Variants in STON2 observed in about 807,000 individuals in gnomAD.
STON2 encodes stonin 2.
STON2 carries 29 observed loss-of-function variants against 65.7 expected under a neutral mutation model. That is an observed-to-expected ratio of 0.44 (90% CI 0.33 to 0.60). The LOEUF is 0.60. Among genes scored for constraint, STON2 ranks in the 20% least tolerant of loss-of-function variants. STON2 has a pLI of 0.03. For missense variants in STON2, 1,054 were observed against 1,118.1 expected (o/e 0.94, Z 0.82); for synonymous variants, 404 against 414.2 (o/e 0.98, Z 0.30).
intron 1 of STON2, among the ~76,000 whole-genome samples, chr14:81,433,965 C>T (rs1902312725): frequency 6.6e-6 from 1 of 152,166 alleles, no homozygotes; most frequent in African/African-American, 2.4e-5. Context: ...TGTTTCCAAT[C>T]CCACCTCACC....
At position 81,264,932 on chromosome 14, in the gene STON2, A is replaced by T. The variant is rs1019919015; in HGVS notation, c.*3482T>A. The T allele has an allele frequency of 1.0e-6, 1 of 985,306 alleles. No homozygotes were observed. The highest frequency in any genetic ancestry group is 1.7e-5 in the African/African-American group (1 of 57,244). The allele number at this position is 985,306 out of a possible 1,614,324, so 61.0% of individuals were successfully genotyped here. ...CTTATCTTTTTGCTGTAAAGTCAAA[A>T]AGCAGGCCCTAGACTCAAAAGAAAG... On this transcript the variant is annotated 3_prime_UTR_variant, in exon 8 of 8. Transcript: ENST00000614646.
At position 81,264,077 on chromosome 14, in the gene STON2, G is replaced by T. The variant is rs1894265736; in HGVS notation, c.*4337C>A. Reference sequence around the variant, plus strand: ...ATGCTTTCTTTTCCTACTGACCATTGAAATGGGCAAGGCTCAGGCTCATGG... The same window carrying T: ...ATGCTTTCTTTTCCTACTGACCATTTAAATGGGCAAGGCTCAGGCTCATGG... On this transcript the variant is annotated 3_prime_UTR_variant, in exon 8 of 8. Transcript: ENST00000614646. The T allele has an allele frequency of 1.2e-5, 12 of 985,428 alleles. No homozygotes were observed. The highest frequency in any genetic ancestry group is 1.4e-5 in the Non-Finnish European group (12 of 829,938). The allele number at this position is 985,428 out of a possible 1,614,324, so 61.0% of individuals were successfully genotyped here. A position where few individuals can be genotyped will look rare whatever the true frequency, so the allele number is the denominator to read the frequency against.
At chr14:81,413,814 A>G (rs1374941503) in intron 2 of STON2, among the ~76,000 whole-genome samples, 1 of 139,718 alleles carries the variant, frequency 7.2e-6, no homozygotes, top group Non-Finnish European at 1.5e-5. Flanking sequence ...AAATAAATAA[A>G]TAAACAAACA....
intron 1 of STON2, among the ~76,000 whole-genome samples, chr14:81,435,693 ACACACG>A (rs1391224027): frequency 7.0e-6 from 1 of 141,880 alleles, no homozygotes; most frequent in Non-Finnish European, 1.5e-5. Flanking sequence ...ACGAATGCAC[ACACACG>A]CACACGCGCG....
chr14:81,308,509 A>G (rs1205758232), intron 5 of STON2, among the ~76,000 whole-genome samples: 1 of 151,944 alleles, frequency 6.6e-6, no homozygotes, highest in Non-Finnish European at 1.5e-5. Context: ...CAGCCTAGAA[A>G]TTATTTTTAA....
intron 4 of STON2, chr14:81,333,061 T>A: frequency 1.4e-6 from 1 of 707,240 alleles, no homozygotes; most frequent in Non-Finnish European, 2.4e-6. Flanking sequence ...GTTCTTTTTC[T>A]TCTCATACAG....
At chr14:81,383,634 T>G (rs1899643987) in intron 3 of STON2, among the ~76,000 whole-genome samples, 1 of 152,142 alleles carries the variant, frequency 6.6e-6, no homozygotes, top group African/African-American at 2.4e-5. Flanking sequence ...ACTTCCTGCC[T>G]TCTCCAAGCT....
intron 5 of STON2, among the ~76,000 whole-genome samples, chr14:81,313,053 TTCTTTC>T (rs1043363539): frequency 2.6e-5 from 4 of 152,210 alleles, no homozygotes; most frequent in Admixed American, 2.0e-4. Context: ...TCCTACCTCT[TTCTTTC>T]TCTTTCTGTC....
intron 5 of STON2, among the ~76,000 whole-genome samples, chr14:81,303,068 G>C (rs1437911752): frequency 6.6e-6 from 1 of 151,780 alleles, no homozygotes; most frequent in African/African-American, 2.4e-5. Context: ...GGGTGTGTGT[G>C]TGTGTGTGTG....
Position 81,278,110 on chromosome 14 carries a change from G to C in STON2, c.1372C>G (p.Leu458Val). The C allele has an allele frequency of 6.2e-7, 1 of 1,614,214 alleles. No individual in the cohort carries two copies. The highest frequency in any genetic ancestry group is 8.5e-7 in the Non-Finnish European group (1 of 1,180,044). ...CAGGCTACTGGGTCATCATCAGGTA[G>C]AGTTGCACTGCCAAAGTGATCAGGG... is the stretch of plus-strand genomic sequence containing the variant. ...DDPDHFGSAT[L>V]PDDDPVAWIE... Residue 458 changes from leucine (L) to valine (V), a missense_variant, in exon 6 of 8, where the codon CTA becomes GTA. By Grantham distance (32) the Leu-to-Val change is conservative (BLOSUM62 1). Coordinates refer to ENST00000614646, the MANE Select transcript of STON2 (RefSeq NM_001394390.1).
intron 5 of STON2, among the ~76,000 whole-genome samples, chr14:81,311,767 C>T (rs375878526): frequency 1.3e-5 from 2 of 152,178 alleles, no homozygotes; most frequent in African/African-American, 4.8e-5. Context: ...CCCTAGAAAA[C>T]AAAGAGAATG....
intron 3 of STON2, among the ~76,000 whole-genome samples, chr14:81,388,528 C>T (rs1899930264): frequency 6.6e-6 from 1 of 152,184 alleles, no homozygotes; most frequent in Non-Finnish European, 1.5e-5. Context: ...CTCAGTGCAG[C>T]TTCTAGCCAT....
intron 4 of STON2, among the ~76,000 whole-genome samples, chr14:81,328,580 C>T (rs576702951): frequency 1.4e-4 from 22 of 152,298 alleles, no homozygotes; most frequent in African/African-American, 5.1e-4. Flanking sequence ...CTGTGTCCCT[C>T]AAAAGATAGG....
intron 4 of STON2, among the ~76,000 whole-genome samples, chr14:81,338,333 A>G (rs1379974473): frequency 6.6e-6 from 1 of 152,182 alleles, no homozygotes; most frequent in Non-Finnish European, 1.5e-5. Flanking sequence ...ATGCCTATGT[A>G]ATAAAGCCTC....
At chr14:81,275,750 T>C (rs960491434) in intron 6 of STON2, among the ~76,000 whole-genome samples, 2 of 152,196 alleles carry the variant, frequency 1.3e-5, no homozygotes, top group Non-Finnish European at 2.9e-5. Context: ...CCCTGGTGTG[T>C]GTCCACTCCC....
intron 2 of STON2, among the ~76,000 whole-genome samples, chr14:81,425,179 A>C (rs1327786571): frequency 2.0e-5 from 3 of 152,260 alleles, no homozygotes; most frequent in African/African-American, 7.2e-5. Flanking sequence ...TTTGAGAGTG[A>C]GAGTTTTTTA....
At chr14:81,400,685 A>G (rs1190444334), upstream of STON2, among the ~76,000 whole-genome samples, 1 of 152,164 alleles carries the variant, frequency 6.6e-6, no homozygotes, top group Non-Finnish European at 1.5e-5. Context: ...TTTAAAGATC[A>G]ACAACTTCAG....
chr14:81,288,312 T>C (rs575958511), intron 5 of STON2, among the ~76,000 whole-genome samples: 2 of 152,252 alleles, frequency 1.3e-5, no homozygotes, highest in South Asian at 2.1e-4. Context: ...GGGAACATCA[T>C]AGATAGAGTG....
rs141267569 is a variant in STON2, at chr14:81,356,940, T to G, written c.571+14048A>C. Among the ~76,000 whole-genome samples the G allele has an allele frequency of 6.6e-5, 10 of 152,270 alleles. No individual in the cohort carries two copies. The East Asian group carries it at 1.9e-3, about 29-fold the overall frequency. ...CTTGCTAGCTGTCTATCAATTTTGT[T>G]GATCCTTTCAAAAAACCAGCTCCAT... On this transcript the variant is annotated intron_variant, in intron 4 of 7. Transcript: ENST00000614646.
Sources: gnomAD v4.1 joint callset for allele counts (sites outside exome capture counted in the v4.1 genomes callset) on GRCh38, gnomAD v4.1.1 for gene constraint, MANE v1.5 for transcripts, NCBI Gene and HGNC (gene_info 2026-07-23, HGNC 2026-07-21) for gene names.